Variants in ZNF236 observed in about 807,000 individuals in gnomAD.
ZNF236 encodes the protein zinc finger protein 236.
ZNF236 carries 50 observed loss-of-function variants against 191.2 expected under a neutral mutation model. The ratio of observed to expected loss-of-function variants is 0.26; its 90% CI spans 0.21 to 0.33. The LOEUF (loss-of-function observed/expected upper bound fraction) is 0.33, where lower values mean the gene tolerates loss of function less well. Among genes scored for constraint, ZNF236 ranks in the 10% least tolerant of loss-of-function variants. The probability of loss-of-function intolerance (pLI) is 1.00; values close to 1 mark genes in which losing one functional copy is unlikely to be tolerated. For synonymous variants in ZNF236, 907 were observed against 928.8 expected (o/e 0.98, Z 0.43); for missense variants, 1,754 against 2,374.5 (o/e 0.74, Z 5.43).
rs1358551903 is a variant in ZNF236, at chr18:76,874,801, TG to T, written c.668-690del. ...AGTGGAGAAACCTGCCTGGTGTGTCTGAGGGCGGTGGCAGAAGTGGGTAGAG... is the reference window on the plus strand; with the variant it reads ...AGTGGAGAAACCTGCCTGGTGTGTCTAGGGCGGTGGCAGAAGTGGGTAGAG... On this transcript the variant is annotated intron_variant, in intron 5 of 30. Transcript: ENST00000320610. Among the ~76,000 whole-genome samples, 64 of 152,096 alleles carry T rather than the reference TG, an allele frequency of 4.2e-4. 3 individuals carry two copies. Among genetic ancestry groups the T allele is most frequent in the Non-Finnish European group, 4.4e-5 (3 of 68,036 alleles).
At chr18:76,917,437 G>A (rs1325142618) in intron 19 of ZNF236, among the ~76,000 whole-genome samples, 1 of 152,018 alleles carries the variant, frequency 6.6e-6, no homozygotes, top group Non-Finnish European at 1.5e-5. Context: ...GTTCTGTTTG[G>A]GCTTCATCTC....
intron 11 of ZNF236, among the ~76,000 whole-genome samples, chr18:76,899,649 A>C (rs745458483): frequency 4.6e-5 from 7 of 152,218 alleles, no homozygotes; most frequent in Non-Finnish European, 7.3e-5. Flanking sequence ...AAAAAGGAAA[A>C]GAAAAATCTG....
At chr18:76,884,295 G>A (rs1976983350) in intron 9 of ZNF236, among the ~76,000 whole-genome samples, 1 of 151,850 alleles carries the variant, frequency 6.6e-6, no homozygotes, top group African/African-American at 2.4e-5. Flanking sequence ...CAGCTACTCA[G>A]GAGGCTGAGG....
Position 76,960,841 on chromosome 18 carries a change from C to T in ZNF236, c.5405C>T (p.Ala1802Val), listed in dbSNP as rs756234417. Reference protein sequence around the residue: ...KSNMKLHMKRAHSYAGALQES... With the variant: ...KSNMKLHMKRVHSYAGALQES... ...AACATGAAGCTGCACATGAAGCGGGCGCACAGCTATGCTGGTGAGAATGCT... is the reference window on the plus strand; with the variant it reads ...AACATGAAGCTGCACATGAAGCGGGTGCACAGCTATGCTGGTGAGAATGCT... The change falls in exon 30 of 31, where the codon GCG becomes GTG. Residue 1802 changes from alanine to valine, a missense_variant. Ala to Val is a moderately conservative substitution (Grantham distance 64). This residue lies in a region of ZNF236 where 606 missense variants were observed against 761.5 expected (regional missense o/e 0.80). Coordinates refer to ENST00000320610, the MANE Select transcript of ZNF236 (RefSeq NM_001306089.2). This position sits in a 1 kb window ranked among gnomAD's most constrained non-coding sequence, Gnocchi z 4.4. 1.1e-5 allele frequency: 18 copies of T among 1,612,952 alleles called. No individual in the cohort carries two copies. The highest frequency in any genetic ancestry group is 8.0e-5 in the African/African-American group (6 of 74,908).
At chr18:76,941,175 C>CA (rs1471410507) in intron 26 of ZNF236, among the ~76,000 whole-genome samples, 1 of 152,120 alleles carries the variant, frequency 6.6e-6, no homozygotes, top group Non-Finnish European at 1.5e-5. Context: ...TGTGAGCGGG[C>CA]AGGTGGTTCT....
intron 7 of ZNF236, among the ~76,000 whole-genome samples, chr18:76,879,683 A>T (rs1382762346): frequency 1.3e-5 from 2 of 152,192 alleles, no homozygotes; most frequent in Admixed American, 6.5e-5. Flanking sequence ...GTAGCATTAC[A>T]GCGCCTTTAT....
At chr18:76,911,491 G>T (rs549303210) in intron 16 of ZNF236, among the ~76,000 whole-genome samples, 1 of 152,222 alleles carries the variant, frequency 6.6e-6, no homozygotes, top group African/African-American at 2.4e-5. Flanking sequence ...CTTTACTCCA[G>T]AGCTCTCTAA....
At chr18:76,910,506 CAG>C (rs1268093761) in intron 15 of ZNF236, among the ~76,000 whole-genome samples, 152 bp from the exon 16 acceptor site, 2 of 152,196 alleles carry the variant, frequency 1.3e-5, no homozygotes, top group Non-Finnish European at 2.9e-5. Context: ...TGTTAGCAAA[CAG>C]TGTTAAAGCT....
In ZNF236 at chr18:76,961,444, C is replaced by T. The variant is rs535221075; in HGVS notation, c.5419+589C>T. On this transcript the variant is annotated intron_variant, in intron 30 of 30. Coordinates refer to ENST00000320610, the MANE Select transcript of ZNF236 (RefSeq NM_001306089.2). ...AAATACCACAGTTTCTTTATCCACT[C>T]GTCGATTTATGGACATTTGGTTTGG... Among the ~76,000 whole-genome samples the T allele has an allele frequency of 1.1e-4, 16 of 151,344 alleles. No homozygotes were observed. In the East Asian group the frequency reaches 1.2e-3, roughly 11 times the overall value.
At chr18:76,938,561 G>A (rs1026944935) in intron 26 of ZNF236, among the ~76,000 whole-genome samples, 9 of 152,160 alleles carry the variant, frequency 5.9e-5, no homozygotes, top group Non-Finnish European at 1.3e-4. Flanking sequence ...CTAGTCCCTC[G>A]CATTGGTGAA....
intron 30 of ZNF236, among the ~76,000 whole-genome samples, chr18:76,964,442 A>G (rs531731613): frequency 6.6e-6 from 1 of 152,096 alleles, no homozygotes; most frequent in South Asian, 2.1e-4. Flanking sequence ...TATAATTTCA[A>G]TTTTCTTAAA....
chr18:76,901,945 C>T (rs1435018202), intron 11 of ZNF236, among the ~76,000 whole-genome samples: 1 of 152,196 alleles, frequency 6.6e-6, no homozygotes, highest in Non-Finnish European at 1.5e-5. Context: ...CCGGTTTCTT[C>T]TTTCAGGTTG....
rs779267790 is a variant in ZNF236, at chr18:76,919,824, G to A, written c.3323G>A (p.Arg1108Gln). 8.1e-6 allele frequency: 13 copies of A among 1,614,072 alleles called. No homozygotes were observed. The highest frequency in any genetic ancestry group is 1.7e-5 in the Admixed American group (1 of 60,002). ...EEEHSDRNAS[R>Q]KSRPEVITFT... is the part of the protein sequence containing the mutation. ...GAACATTCTGACAGAAATGCATCAC[G>A]GAAGTCTCGTCCTGAGGTCATCACT... Residue 1108 changes from arginine to glutamine, a missense_variant, in exon 20 of 31, where the codon CGG becomes CAG. Arg to Gln is a conservative substitution (Grantham distance 43, BLOSUM62 1). This residue lies in a region of ZNF236 where 641 missense variants were observed against 869.6 expected (regional missense o/e 0.74). Coordinates refer to ENST00000320610, the MANE Select transcript of ZNF236 (RefSeq NM_001306089.2). This position sits in a 1 kb window ranked among gnomAD's most constrained non-coding sequence, Gnocchi z 5.3.
At chr18:76,833,062 G>A (rs1021157995) in intron 1 of ZNF236, among the ~76,000 whole-genome samples, 2 of 152,098 alleles carry the variant, frequency 1.3e-5, no homozygotes, top group Non-Finnish European at 2.9e-5. Context: ...AATTGGTATT[G>A]TATCCAAAGT....
intron 9 of ZNF236, among the ~76,000 whole-genome samples, chr18:76,884,605 C>G (rs893248778): frequency 2.6e-5 from 4 of 152,140 alleles, no homozygotes; most frequent in African/African-American, 9.7e-5. Flanking sequence ...AACTTAGCCA[C>G]TTCTTGATGA....
At chr18:76,849,735 A>G in intron 2 of ZNF236, 67 bp downstream of exon 2, 1 of 1,366,434 alleles carries the variant, frequency 7.3e-7, no homozygotes, top group South Asian at 1.9e-5. Context: ...AAAAATGAAC[A>G]AGTAAAATCA....
chr18:76,831,104 G>A (rs556677053), intron 1 of ZNF236, among the ~76,000 whole-genome samples: 10 of 150,774 alleles, frequency 6.6e-5, no homozygotes, highest in Admixed American at 1.3e-4. Flanking sequence ...CCCATCATTC[G>A]CATTAGGATA....
At chr18:76,844,961 G>A (rs1354795946) in intron 1 of ZNF236, among the ~76,000 whole-genome samples, 1 of 152,194 alleles carries the variant, frequency 6.6e-6, no homozygotes, top group Non-Finnish European at 1.5e-5. Context: ...TGAATAAAGA[G>A]ATGGCCGTGG....
At chr18:76,946,838 AGT>A (rs1296853644) in intron 26 of ZNF236, among the ~76,000 whole-genome samples, 1 of 152,218 alleles carries the variant, frequency 6.6e-6, no homozygotes, top group Non-Finnish European at 1.5e-5. Flanking sequence ...TAAGCAAATA[AGT>A]GTTTTTTAAA....
Sources: allele counts gnomAD v4.1 joint callset (sites outside exome capture counted in the v4.1 genomes callset), GRCh38; gene constraint gnomAD v4.1.1; regional missense constraint gnomAD v4.1.1; non-coding constraint Gnocchi (gnomAD v3.1); transcripts MANE v1.5; gene names NCBI Gene and HGNC (gene_info 2026-07-23, HGNC 2026-07-21).